The following LRRC56 variants were observed in gnomAD, a reference collection of about 807,000 sequenced individuals.
The protein encoded by LRRC56 is leucine rich repeat containing 56.
Under a neutral mutation model 47.8 loss-of-function variants are expected in LRRC56, and 41 were observed. The observed-to-expected ratio is 0.86, with a 90% CI of 0.67 to 1.11. LRRC56 has a LOEUF of 1.11. Ranked by LOEUF, LRRC56 falls within the 50% of genes most tolerant of loss-of-function variation. LRRC56 has a pLI of 0.00. For synonymous variants in LRRC56, 387 were observed against 311.2 expected, an observed-to-expected ratio of 1.24 and a Z score of -2.56; for missense variants, 759 against 704.2, an observed-to-expected ratio of 1.08 and a Z score of -0.88.
chr11:546,960 G>C (rs183234329), intron 6 of LRRC56, among the ~76,000 whole-genome samples: 6 of 152,106 alleles, frequency 3.9e-5, no homozygotes, highest in Admixed American at 2.6e-4. Flanking sequence ...AGGAGGCAGA[G>C]GCAGGAGAAT....
upstream of LRRC56, among the ~76,000 whole-genome samples, chr11:534,762 G>C (rs1185700961): frequency 6.6e-6 from 1 of 152,238 alleles, no homozygotes; most frequent in Admixed American, 6.5e-5. Context: ...GGCGTGCCCG[G>C]GCAGGCTAGT....
Position 554,077 on chromosome 11 carries a change from G to A in LRRC56, c.1430G>A (p.Arg477His), listed in dbSNP as rs141461078. 6.2e-6 allele frequency: 10 copies of A among 1,608,910 alleles called. No individual in the cohort carries two copies. Among genetic ancestry groups the A allele is most frequent in the African/African-American group, 1.3e-5 (1 of 74,964 alleles). Residue 477 changes from arginine to histidine, a missense_variant, in exon 14 of 14, where the codon CGT becomes CAT. Arg to His is a conservative substitution (Grantham distance 29). Transcript: ENST00000270115. ...TCGACAGACCTGCAGTCCAGGGGGCGTCGGCTCCGAGTCCTGGGCAGCTGG... is the reference window on the plus strand; with the variant it reads ...TCGACAGACCTGCAGTCCAGGGGGCATCGGCTCCGAGTCCTGGGCAGCTGG... ...RWSTDLQSRGRRLRVLGSWGP... is the reference protein window; with the variant it reads ...RWSTDLQSRGHRLRVLGSWGP...
chr11:527,175 C>A, the LRRC56 span, among the ~76,000 whole-genome samples: 1 of 151,934 alleles, frequency 6.6e-6, no homozygotes, highest in Non-Finnish European at 1.5e-5. Flanking sequence ...GTGGCGGGCA[C>A]CTGTAATCCC....
At chr11:516,211 T>A in the LRRC56 span, among the ~76,000 whole-genome samples, 1 of 151,888 alleles carries the variant, frequency 6.6e-6, no homozygotes, top group Non-Finnish European at 1.5e-5. Flanking sequence ...CTGGCCAACA[T>A]GGCGAAACCC....
At chr11:525,064 C>G in the LRRC56 span, among the ~76,000 whole-genome samples, 1 of 150,046 alleles carries the variant, frequency 6.7e-6, no homozygotes, top group Non-Finnish European at 1.5e-5. Context: ...CCGCTGCACT[C>G]CAGCCTGGAG....
At position 551,752 on chromosome 11, in the gene LRRC56, C is replaced by G; in HGVS notation, c.898C>G (p.Arg300Gly). The change falls in exon 10 of 14, where the codon CGT (arginine) becomes GGT (glycine). Residue 300 changes from arginine (R) to glycine (G), a missense_variant. Arg to Gly is a moderately radical substitution (Grantham distance 125). Transcript: ENST00000270115. The part of the protein sequence containing the change: ...SRPWPFSLLV[R>G]GGPLPEGLLS... ...GCCCTGGCCCTTCTCCCTGCTGGTCCGTGGGGGCCCCCTGCCTGAAGGCCT... is the reference window on the plus strand; with the variant it reads ...GCCCTGGCCCTTCTCCCTGCTGGTCGGTGGGGGCCCCCTGCCTGAAGGCCT... 1.2e-6 allele frequency: 2 copies of G among 1,611,484 alleles called. No homozygotes were observed. The highest frequency in any genetic ancestry group is 1.7e-6 in the Non-Finnish European group (2 of 1,179,252).
the LRRC56 span, among the ~76,000 whole-genome samples, chr11:515,911 T>G: frequency 6.6e-6 from 1 of 152,350 alleles, no homozygotes; most frequent in South Asian, 2.1e-4. Flanking sequence ...TCCATTCATA[T>G]GTGTAGCCCC....
chr11:516,613 GCCAATGGAATTCA>G, the LRRC56 span, among the ~76,000 whole-genome samples: 1 of 152,072 alleles, frequency 6.6e-6, no homozygotes, highest in Non-Finnish European at 1.5e-5. Flanking sequence ...TGAAATATGA[GCCAATGGAATTCA>G]CCATATAAGC....
At chr11:552,801 C>A in intron 13 of LRRC56, 99 bp downstream of exon 13, 1 of 1,024,358 alleles carries the variant, frequency 9.8e-7, no homozygotes, top group Non-Finnish European at 1.4e-6. Context: ...TCAACCTGGC[C>A]CTGCTTCCTC....
chr11:518,734 C>G, the LRRC56 span, among the ~76,000 whole-genome samples: 2 of 152,172 alleles, frequency 1.3e-5, no homozygotes, highest in African/African-American at 4.8e-5. Flanking sequence ...AGCGCGGAAC[C>G]GGACGCCCAG....
intron 6 of LRRC56, among the ~76,000 whole-genome samples, chr11:548,428 G>T (rs1182833665): frequency 6.6e-6 from 1 of 151,808 alleles, no homozygotes; most frequent in African/African-American, 2.4e-5. Context: ...TTACAGGCAT[G>T]AAGCACTGTG....
chr11:547,412 G>T (rs1321202068), intron 6 of LRRC56, among the ~76,000 whole-genome samples: 1 of 151,572 alleles, frequency 6.6e-6, no homozygotes, highest in Non-Finnish European at 1.5e-5. Context: ...GGAGTGCAGT[G>T]GCGCAATCTC....
At chr11:545,377 C>T (rs988402646) in intron 6 of LRRC56, among the ~76,000 whole-genome samples, 1 of 152,246 alleles carries the variant, frequency 6.6e-6, no homozygotes, top group African/African-American at 2.4e-5. Flanking sequence ...ACTTTGGCTG[C>T]ACCATGAGGC....
chr11:547,463 C>A (rs59588802), intron 6 of LRRC56, among the ~76,000 whole-genome samples: 12 of 152,018 alleles, frequency 7.9e-5, no homozygotes, highest in Middle Eastern at 3.4e-3. Context: ...CGCCATTCCC[C>A]TGCCTCAGCC....
chr11:534,696 C>G, upstream of LRRC56: 1 of 330,918 alleles, frequency 3.0e-6, no homozygotes, highest in Non-Finnish European at 5.8e-6. Context: ...GGGAGGCGCC[C>G]GAGGGCTGAG....
At chr11:536,153 G>A (rs548015074), upstream of LRRC56, among the ~76,000 whole-genome samples, 5 of 152,344 alleles carry the variant, frequency 3.3e-5, no homozygotes, top group East Asian at 9.7e-4. Flanking sequence ...GAGGACGCTT[G>A]CAGCCCCGGT....
At chr11:540,466 C>T (rs771134123) in intron 3 of LRRC56, among the ~76,000 whole-genome samples, 47 of 151,266 alleles carry the variant, frequency 3.1e-4, no homozygotes, top group Non-Finnish European at 2.5e-4. Flanking sequence ...GGGAGGGGAG[C>T]GTGAGGCCCT....
rs774355719 is a variant in LRRC56, at chr11:540,734, G to A, written c.50G>A (p.Ser17Asn). The A allele has an allele frequency of 2.5e-6, 4 of 1,612,400 alleles. No homozygotes were observed. The highest frequency in any genetic ancestry group is 1.3e-5 in the African/African-American group (1 of 75,036). The change falls in exon 4 of 14, where the codon AGC becomes AAC. Residue 17 changes from serine to asparagine, a missense_variant. Coordinates refer to ENST00000270115, the MANE Select transcript of LRRC56 (RefSeq NM_198075.4). The stretch of plus-strand genomic sequence containing the variant: ...CGTGGGCCTCGGCGGAGCACCTCCA[G>A]CGTCCGGGTGCGGGAGCTGAGCTGG... ...RSRGPRRSTSSVRVRELSWQG... is the reference protein window; with the variant it reads ...RSRGPRRSTSNVRVRELSWQG...
intron 5 of LRRC56, among the ~76,000 whole-genome samples, chr11:542,592 A>AAAAAAAAAAAAAAAAC (rs1851852837): frequency 6.7e-6 from 1 of 149,252 alleles, no homozygotes; most frequent in Non-Finnish European, 1.5e-5. Flanking sequence ...AAAAAAAAAA[A>AAAAAAAAAAAAAAAAC]AAAAAAAAAA....
Sources: gnomAD v4.1 joint callset for allele counts (sites outside exome capture counted in the v4.1 genomes callset) on GRCh38, gnomAD v4.1.1 for gene constraint, MANE v1.5 for transcripts, NCBI Gene and HGNC (gene_info 2026-07-23, HGNC 2026-07-21) for gene names.